Variants in EPHA6 observed in about 807,000 individuals in gnomAD.
The protein encoded by EPHA6 is EPH receptor A6.
Under a neutral mutation model 112.0 loss-of-function variants are expected in EPHA6, and 50 were observed. The observed-to-expected ratio is 0.45, with a 90% CI of 0.36 to 0.56. The LOEUF is 0.56. Among genes scored for constraint, EPHA6 ranks in the 20% least tolerant of loss-of-function variants. The probability of loss-of-function intolerance (pLI) is 0.00; values close to 1 mark genes in which losing one functional copy is unlikely to be tolerated. For synonymous variants in EPHA6, 529 were observed against 490.7 expected (o/e 1.08, Z -1.03); for missense variants, 1,280 against 1,417.4 (o/e 0.90, Z 1.56).
chr3:97,143,941 T>C (rs2075973965), intron 3 of EPHA6, among the ~76,000 whole-genome samples: 1 of 150,852 alleles, frequency 6.6e-6, no homozygotes, highest in South Asian at 2.1e-4. Context: ...CATAATTGTT[T>C]TGAGATAATT....
chr3:97,596,674 G>T (rs972053748), intron 12 of EPHA6, among the ~76,000 whole-genome samples: 1 of 150,080 alleles, frequency 6.7e-6, no homozygotes, highest in Admixed American at 6.7e-5. Flanking sequence ...ATATCTTAAG[G>T]TTGAATGTGT....
chr3:96,961,147 G>C (rs1159365501), intron 2 of EPHA6, among the ~76,000 whole-genome samples: 1 of 152,234 alleles, frequency 6.6e-6, no homozygotes, highest in African/African-American at 2.4e-5. Context: ...AGACATCTGA[G>C]GTAAGGCCTC....
chr3:97,629,616 T>C (rs895704789), intron 13 of EPHA6, among the ~76,000 whole-genome samples: 2 of 152,028 alleles, frequency 1.3e-5, no homozygotes, highest in African/African-American at 4.8e-5. Flanking sequence ...AAATTATATA[T>C]AAAGAAATTC....
chr3:97,283,134 A>AT (rs1222567741), intron 5 of EPHA6, among the ~76,000 whole-genome samples: 1 of 152,164 alleles, frequency 6.6e-6, no homozygotes, highest in Non-Finnish European at 1.5e-5. Flanking sequence ...GCTTTGTTAG[A>AT]TTTTTTGCAT....
At chr3:97,514,157 G>C (rs979202929) in intron 10 of EPHA6, among the ~76,000 whole-genome samples, 5 of 152,086 alleles carry the variant, frequency 3.3e-5, no homozygotes, top group Non-Finnish European at 7.4e-5. Context: ...TAAAATCAGG[G>C]TGTTGGCAGA....
chr3:97,113,665 C>T (rs2047792816), intron 3 of EPHA6, among the ~76,000 whole-genome samples: 1 of 152,052 alleles, frequency 6.6e-6, no homozygotes, highest in Admixed American at 6.6e-5. Context: ...GTCTTTCTTG[C>T]CTTTTTCCTT....
chr3:97,496,227 T>A (rs1377039374), intron 10 of EPHA6, among the ~76,000 whole-genome samples: 1 of 152,136 alleles, frequency 6.6e-6, no homozygotes, highest in Non-Finnish European at 1.5e-5. Context: ...GCTCTGATAT[T>A]CTCTTCCTGC....
chr3:97,647,672 G>A (rs1288242374), intron 14 of EPHA6, among the ~76,000 whole-genome samples: 2 of 152,094 alleles, frequency 1.3e-5, no homozygotes, highest in African/African-American at 2.4e-5. Context: ...GTTACTGACA[G>A]TTCACATTGT....
chr3:97,627,955 C>T (rs1054315855), intron 13 of EPHA6, among the ~76,000 whole-genome samples: 38 of 151,934 alleles, frequency 2.5e-4, no homozygotes, highest in Non-Finnish European at 4.4e-5. Flanking sequence ...AGTTGGAAAA[C>T]TACTGAAATG....
intron 7 of EPHA6, among the ~76,000 whole-genome samples, chr3:97,452,206 G>A (rs2107337642): frequency 6.6e-6 from 1 of 151,926 alleles, no homozygotes; most frequent in African/African-American, 2.4e-5. Context: ...AAATATGCTA[G>A]TGGAGATTCT....
intron 3 of EPHA6, among the ~76,000 whole-genome samples, chr3:97,120,834 G>T (rs193106216): frequency 6.6e-6 from 1 of 151,598 alleles, no homozygotes; most frequent in Non-Finnish European, 1.5e-5. Context: ...ATATTAAAAG[G>T]TATAAACATA....
At chr3:97,192,250 C>A (rs1291763273) in intron 3 of EPHA6, among the ~76,000 whole-genome samples, 1 of 152,104 alleles carries the variant, frequency 6.6e-6, no homozygotes, top group Non-Finnish European at 1.5e-5. Context: ...CACTCTGGTG[C>A]CTCAGCCTCC....
At chr3:97,255,041 G>A (rs1210041100) in intron 5 of EPHA6, among the ~76,000 whole-genome samples, 2 of 152,044 alleles carry the variant, frequency 1.3e-5, no homozygotes, top group Non-Finnish European at 2.9e-5. Context: ...TTTATTTTTA[G>A]TAGAATGAAG....
At chr3:97,645,997 G>A in intron 14 of EPHA6, 2 of 619,520 alleles carry the variant, frequency 3.2e-6, no homozygotes, top group Non-Finnish European at 4.9e-6. Context: ...TTGTTGGGGA[G>A]AGGTTTGTAA....
chr3:97,397,874 A>C (rs1445056004), intron 5 of EPHA6, among the ~76,000 whole-genome samples: 2 of 151,568 alleles, frequency 1.3e-5, no homozygotes, highest in Non-Finnish European at 3.0e-5. Flanking sequence ...ATTATGTAAA[A>C]TTATGTACAC....
chr3:97,202,186 G>C (rs1049895293), intron 3 of EPHA6, among the ~76,000 whole-genome samples: 2 of 151,784 alleles, frequency 1.3e-5, no homozygotes, highest in African/African-American at 4.8e-5. Flanking sequence ...ACTCCTTTTT[G>C]ATACTCAAAA....
intron 5 of EPHA6, among the ~76,000 whole-genome samples, chr3:97,358,342 A>C (rs2084191329): frequency 6.6e-6 from 1 of 151,774 alleles, no homozygotes; most frequent in Admixed American, 6.6e-5. Flanking sequence ...ATAACATATA[A>C]ATCTCTGCCC....
chr3:97,633,016 T>G (rs1158711928), intron 13 of EPHA6, among the ~76,000 whole-genome samples: 1 of 152,048 alleles, frequency 6.6e-6, no homozygotes, highest in Non-Finnish European at 1.5e-5. Flanking sequence ...CTGAGAGGCT[T>G]GAAGTGTATG....
chr3:96,902,902 T>G (rs2107577888), intron 2 of EPHA6, among the ~76,000 whole-genome samples: 2 of 152,316 alleles, frequency 1.3e-5, no homozygotes, highest in Middle Eastern at 3.4e-3. Flanking sequence ...TTTTTAAGCA[T>G]TGGAGACTCC....
Sources: allele counts gnomAD v4.1 joint callset (sites outside exome capture counted in the v4.1 genomes callset), GRCh38; gene constraint gnomAD v4.1.1; transcripts MANE v1.5; gene names NCBI Gene and HGNC (gene_info 2026-07-23, HGNC 2026-07-21).